Variants in DEPTOR observed in about 807,000 individuals in gnomAD.
DEPTOR encodes the protein DEP domain-containing mTOR-interacting protein.
In DEPTOR, 41 loss-of-function variants were observed where a neutral mutation model predicts 41.6. That is an observed-to-expected ratio of 0.98 (90% CI 0.77 to 1.28). DEPTOR has a LOEUF of 1.28. Among genes scored for constraint, DEPTOR ranks in the 50% most tolerant of loss-of-function variants. The pLI is 0.00. For missense variants in DEPTOR, 514 were observed against 527.9 expected, an observed-to-expected ratio of 0.97 and a Z score of 0.26; for synonymous variants, 195 against 192.3, an observed-to-expected ratio of 1.01 and a Z score of -0.12.
chr8:119,928,728 G>T (rs1261709795), intron 2 of DEPTOR, 150 bp downstream of exon 2: 2 of 721,788 alleles, frequency 2.8e-6, no homozygotes, highest in Non-Finnish European at 4.0e-6. Flanking sequence ...CCTCTAAGAG[G>T]CATTTGGGTT....
At chr8:119,933,200 G>A (rs6986364) in intron 3 of DEPTOR, among the ~76,000 whole-genome samples, 26,930 of 151,888 alleles carry the variant, frequency 0.18, 3,579 homozygotes, top group African/African-American at 0.37. Context: ...AATTGTGAAG[G>A]TGGCTCAAGT....
At chr8:119,895,803 C>T (rs1475602489) in intron 1 of DEPTOR, among the ~76,000 whole-genome samples, 1 of 152,106 alleles carries the variant, frequency 6.6e-6, no homozygotes, top group Non-Finnish European at 1.5e-5. Context: ...TCCAGGGGTT[C>T]CTGCTTAAAA....
chr8:119,881,507 C>A (rs1486496124), intron 1 of DEPTOR, among the ~76,000 whole-genome samples: 3 of 149,366 alleles, frequency 2.0e-5, no homozygotes, highest in African/African-American at 7.4e-5. Flanking sequence ...CTGGGAGACA[C>A]AGTGAGACTC....
chr8:119,885,427 C>G (rs1001544416), intron 1 of DEPTOR, among the ~76,000 whole-genome samples: 2 of 152,128 alleles, frequency 1.3e-5, no homozygotes, highest in Admixed American at 6.6e-5. Flanking sequence ...AGGGAATTAC[C>G]TAATGTATGA....
chr8:119,895,062 C>T (rs1301737471), intron 1 of DEPTOR, among the ~76,000 whole-genome samples: 1 of 152,160 alleles, frequency 6.6e-6, no homozygotes, highest in African/African-American at 2.4e-5. Context: ...ACTTGAAGAG[C>T]CCCTATGTCC....
chr8:119,901,662 C>G (rs1221117911), intron 1 of DEPTOR, among the ~76,000 whole-genome samples: 2 of 131,744 alleles, frequency 1.5e-5, no homozygotes, highest in Non-Finnish European at 3.1e-5. Context: ...GGCAACAGAG[C>G]AAGACTCTGT....
rs374683765 is a variant in DEPTOR at position 120,044,900 on chromosome 8, T to C, written c.1102-4676T>C. 3.9e-5 allele frequency among the ~76,000 whole-genome samples: 6 copies of C among 152,348 alleles called. No individual in the cohort carries two copies. The South Asian group carries it at 1.2e-3, about 32-fold the overall frequency. ...GTAAGCTTCGTGAAGGCAAAGATGC[T>C]GGTATTTATTAGGTTGGTGCAAAAG... On this transcript the variant is annotated intron_variant, in intron 8 of 8. Transcript: ENST00000286234.
chr8:120,036,267 C>T (rs1025527354), intron 8 of DEPTOR, among the ~76,000 whole-genome samples: 1 of 152,186 alleles, frequency 6.6e-6, no homozygotes, highest in African/African-American at 2.4e-5. Flanking sequence ...TGCTTTAATG[C>T]TACTTATTGT....
At chr8:119,916,289 T>TGG (rs1827814091) in intron 1 of DEPTOR, among the ~76,000 whole-genome samples, 1 of 147,222 alleles carries the variant, frequency 6.8e-6, no homozygotes, top group South Asian at 2.2e-4. Flanking sequence ...TTTTTTTTTT[T>TGG]TTTTTTTTTT....
intron 3 of DEPTOR, among the ~76,000 whole-genome samples, chr8:119,940,203 G>A (rs1359193837): frequency 6.6e-6 from 1 of 151,818 alleles, no homozygotes; most frequent in Non-Finnish European, 1.5e-5. Flanking sequence ...GGCAACAAGA[G>A]TGAAACTCCA....
chr8:119,893,469 A>G (rs1419038741), intron 1 of DEPTOR, among the ~76,000 whole-genome samples: 1 of 152,164 alleles, frequency 6.6e-6, no homozygotes, highest in East Asian at 1.9e-4. Flanking sequence ...TCTGTAGTCT[A>G]TGATTTCCTG....
intron 1 of DEPTOR, among the ~76,000 whole-genome samples, chr8:119,906,339 C>G (rs2129769159): frequency 6.6e-6 from 1 of 151,266 alleles, no homozygotes; most frequent in East Asian, 1.9e-4. Context: ...GTCTGTGGTC[C>G]CAGCTACTCA....
intron 4 of DEPTOR, among the ~76,000 whole-genome samples, chr8:119,985,583 T>C (rs558989214): frequency 1.3e-5 from 2 of 152,266 alleles, no homozygotes; most frequent in East Asian, 3.9e-4. Context: ...ATTTTGGCTT[T>C]TGTTGCCATT....
At chr8:119,953,998 G>A (rs987006977) in intron 3 of DEPTOR, among the ~76,000 whole-genome samples, 1 of 151,976 alleles carries the variant, frequency 6.6e-6, no homozygotes, top group South Asian at 2.1e-4. Flanking sequence ...TAGAGATGGG[G>A]TTTCAACATG....
At chr8:119,943,931 G>A (rs1483919731) in intron 3 of DEPTOR, among the ~76,000 whole-genome samples, 6 of 152,000 alleles carry the variant, frequency 3.9e-5, no homozygotes, top group South Asian at 2.1e-4. Context: ...TCCGCCTCCC[G>A]GGTTCACGCC....
intron 8 of DEPTOR, among the ~76,000 whole-genome samples, chr8:120,020,957 G>A (rs1812697736): frequency 6.6e-6 from 1 of 151,854 alleles, no homozygotes; most frequent in Non-Finnish European, 1.5e-5. Flanking sequence ...TACTCGGGAG[G>A]CTGAGGCAAG....
chr8:120,027,234 A>AT (rs1554586787), intron 8 of DEPTOR, among the ~76,000 whole-genome samples: 1 of 145,100 alleles, frequency 6.9e-6, no homozygotes, highest in Non-Finnish European at 1.5e-5. Flanking sequence ...AATAAAAATA[A>AT]AATAATAATA....
rs561741887 is a variant in DEPTOR at position 119,979,911 on chromosome 8, G to T, written c.604+14501G>T. ...CTTCCTCATCAAAATAAGGGAAATG[G>T]GATGGGGGAGATAGTGTGAGAAAAA... On this transcript the variant is annotated intron_variant, in intron 4 of 8. Transcript: ENST00000286234. 9.9e-5 allele frequency among the ~76,000 whole-genome samples: 15 copies of T among 152,218 alleles called. No homozygotes were observed. In the South Asian group the frequency reaches 2.9e-3, roughly 30 times the overall value.
intron 4 of DEPTOR, among the ~76,000 whole-genome samples, chr8:119,980,494 TTTTCTTTTCTTTTCTTTTC>T (rs1828751122): frequency 6.8e-6 from 1 of 147,822 alleles, no homozygotes. Context: ...TTTTCTTTTC[TTTTCTTTTCTTTTCTTTTC>T]TCTCTTTGTG....
Sources: gnomAD v4.1 joint callset for allele counts (sites outside exome capture counted in the v4.1 genomes callset) on GRCh38, gnomAD v4.1.1 for gene constraint, MANE v1.5 for transcripts, NCBI Gene and HGNC (gene_info 2026-07-23, HGNC 2026-07-21) for gene names.